DBX2: variants seen among roughly 807,000 people sequenced by gnomAD.
The protein encoded by DBX2 is homeobox protein DBX2.
In DBX2, 16 loss-of-function variants were observed where a neutral mutation model predicts 17.7. That is an observed-to-expected ratio of 0.90 (90% confidence interval 0.61 to 1.37). The LOEUF (loss-of-function observed/expected upper bound fraction) is 1.37. Ranked by LOEUF, DBX2 falls within the 40% of genes most tolerant of loss-of-function variation. DBX2 has a pLI of 0.00. For missense variants in DBX2, 538 were observed against 433.8 expected (o/e 1.24, Z -2.13); for synonymous variants, 255 against 183.8 (o/e 1.39, Z -3.13).
chr12:45,025,130 A>G (rs1347244906), intron 2 of DBX2, among the ~76,000 whole-genome samples: 1 of 152,234 alleles, frequency 6.6e-6, no homozygotes, highest in Non-Finnish European at 1.5e-5. Flanking sequence ...TTGCAAATAG[A>G]TTAAAGTTGC....
chr12:45,020,546 G>A (rs1946346093), intron 3 of DBX2, among the ~76,000 whole-genome samples: 1 of 150,076 alleles, frequency 6.7e-6, no homozygotes, highest in Non-Finnish European at 1.5e-5. Flanking sequence ...GGGGATACCT[G>A]GGGGATCTTC....
At chr12:45,023,636 C>A (rs1292110885) in intron 3 of DBX2, 71 bp downstream of exon 3, 1 of 1,589,208 alleles carries the variant, frequency 6.3e-7, no homozygotes, top group South Asian at 1.1e-5. Context: ...GCCCACCACC[C>A]TGAACACAAC....
intron 1 of DBX2, among the ~76,000 whole-genome samples, chr12:45,050,205 A>G (rs1042348485): frequency 4.6e-5 from 7 of 152,228 alleles, no homozygotes; most frequent in Non-Finnish European, 8.8e-5. Context: ...AGACTGATCC[A>G]GGCAGGCCGT....
chr12:45,023,891 T>TTA lies in DBX2; in HGVS notation c.502_503insTA (p.Glu168ValfsTer9). 1 of 1,543,670 alleles carries TTA rather than the reference T, an allele frequency of 6.5e-7. No individual in the cohort carries two copies. Among genetic ancestry groups the TTA allele is most frequent in the Non-Finnish European group, 8.7e-7 (1 of 1,152,732 alleles). On this transcript the variant is annotated frameshift_variant, in exon 3 of 4. Coordinates refer to ENST00000332700, the MANE Select transcript of DBX2 (RefSeq NM_001004329.3). LOFTEE classifies it high-confidence loss of function. ...TGTCAGGAGAGGCAGCATGCTCTCT[T>TTA]CTCCTAGAGTCGAGGGAAAAAGATA...
intron 2 of DBX2, among the ~76,000 whole-genome samples, chr12:45,026,301 CA>C (rs1946381104): frequency 6.6e-6 from 1 of 152,120 alleles, no homozygotes; most frequent in Non-Finnish European, 1.5e-5. Context: ...GGGTAGGTAA[CA>C]AAGATCAATA....
At chr12:45,022,460 C>T (rs1946358630) in intron 3 of DBX2, among the ~76,000 whole-genome samples, 2 of 151,918 alleles carry the variant, frequency 1.3e-5, no homozygotes, top group South Asian at 4.2e-4. Flanking sequence ...CCAGCCACCT[C>T]GCCCAGCTAA....
At chr12:45,021,841 C>T (rs1946353764) in intron 3 of DBX2, among the ~76,000 whole-genome samples, 1 of 117,976 alleles carries the variant, frequency 8.5e-6, no homozygotes, top group Admixed American at 9.2e-5. Flanking sequence ...GTATATCTAA[C>T]CTATCACATG....
intron 1 of DBX2, among the ~76,000 whole-genome samples, chr12:45,045,727 T>C (rs1592760201): frequency 6.6e-6 from 1 of 152,194 alleles, no homozygotes; most frequent in East Asian, 1.9e-4. Flanking sequence ...TTTGTTTGTT[T>C]GTTTGTTTTT....
chr12:45,049,953 G>C (rs926922387), intron 1 of DBX2, among the ~76,000 whole-genome samples: 1 of 152,008 alleles, frequency 6.6e-6, no homozygotes, highest in Non-Finnish European at 1.5e-5. Context: ...ATTTCTTTGC[G>C]CCTAAAGTGA....
At chr12:45,042,712 G>A (rs1946478246) in intron 1 of DBX2, among the ~76,000 whole-genome samples, 1 of 152,192 alleles carries the variant, frequency 6.6e-6, no homozygotes, top group Non-Finnish European at 1.5e-5. Flanking sequence ...AGTGGTGGAC[G>A]GGATGCAGCG....
Position 45,031,662 on chromosome 12 carries a change from G to C in DBX2, c.499+4357C>G, listed in dbSNP as rs140257939. Among the ~76,000 whole-genome samples, 10 of 152,224 alleles carry C rather than the reference G, an allele frequency of 6.6e-5. No individual in the cohort carries two copies. In the East Asian group the frequency reaches 1.9e-3, roughly 29 times the overall value. On this transcript the variant is annotated intron_variant, in intron 2 of 3. Coordinates refer to ENST00000332700, the MANE Select transcript of DBX2 (RefSeq NM_001004329.3). Reference sequence around the variant, plus strand: ...TAACCTGGTTTTTATATGAGAGCTTGTTCAATGTACCTTTTAAAGTGGGCC... The same window carrying C: ...TAACCTGGTTTTTATATGAGAGCTTCTTCAATGTACCTTTTAAAGTGGGCC...
rs573052950 is a variant in DBX2 at position 45,023,847 on chromosome 12, C to G, written c.547G>C (p.Ala183Pro). 8.1e-6 allele frequency: 13 copies of G among 1,602,116 alleles called. No homozygotes were observed. The South Asian group carries it at 1.4e-4, about 17-fold the overall frequency. The change falls in exon 3 of 4, where the codon GCT becomes CCT. Residue 183 changes from alanine to proline, a missense_variant. Coordinates refer to ENST00000332700, the MANE Select transcript of DBX2 (RefSeq NM_001004329.3). ...GCTCTTCTTAAAATGCCCCTCCGAG[C>G]TTTGGAATTAGAGTCCTGTGTCAGG... ...PLLTQDSNSK[A>P]RRGILRRAVF...
chr12:45,021,062 C>T (rs1036331092), intron 3 of DBX2, among the ~76,000 whole-genome samples: 6 of 151,996 alleles, frequency 3.9e-5, no homozygotes, highest in African/African-American at 1.4e-4. Context: ...TGTTAAATTA[C>T]TTCTGAGATG....
intron 1 of DBX2, 89 bp from the exon 2 acceptor site, chr12:45,036,203 C>T (rs768880295): frequency 3.4e-6 from 4 of 1,161,070 alleles, no homozygotes; most frequent in Non-Finnish European, 4.6e-6. Flanking sequence ...TGAGTAAATA[C>T]TTTGCTTAGT....
At chr12:45,033,155 A>G (rs911049203) in intron 2 of DBX2, among the ~76,000 whole-genome samples, 1 of 152,220 alleles carries the variant, frequency 6.6e-6, no homozygotes, top group Non-Finnish European at 1.5e-5. Context: ...AAATCTAAGA[A>G]GTTAACAAGA....
At chr12:45,020,184 T>C (rs901721479) in intron 3 of DBX2, among the ~76,000 whole-genome samples, 2 of 152,108 alleles carry the variant, frequency 1.3e-5, no homozygotes, top group Admixed American at 1.3e-4. Context: ...ACCCTTTAGC[T>C]ATCTCTATTC....
chr12:45,029,572 G>T (rs1946397908), intron 2 of DBX2, among the ~76,000 whole-genome samples: 1 of 152,100 alleles, frequency 6.6e-6, no homozygotes, highest in Non-Finnish European at 1.5e-5. Flanking sequence ...ATAGCAGAAT[G>T]ACCCAGAATA....
chr12:45,050,146 G>A (rs972362985), intron 1 of DBX2, among the ~76,000 whole-genome samples: 2 of 152,152 alleles, frequency 1.3e-5, no homozygotes, highest in African/African-American at 2.4e-5. Context: ...TGCAGCCCGG[G>A]AAACAGGACC....
At chr12:45,021,243 CAA>C (rs1367744226) in intron 3 of DBX2, among the ~76,000 whole-genome samples, 1 of 152,030 alleles carries the variant, frequency 6.6e-6, no homozygotes, top group Non-Finnish European at 1.5e-5. Context: ...TTCAATAAGA[CAA>C]AAAGTACTCA....
Sources: gnomAD v4.1 joint callset for allele counts (sites outside exome capture counted in the v4.1 genomes callset) on GRCh38, gnomAD v4.1.1 for gene constraint, MANE v1.5 for transcripts, NCBI Gene and HGNC (gene_info 2026-07-23, HGNC 2026-07-21) for gene names.